The following RPL12 variants were observed in gnomAD, a reference collection of about 807,000 sequenced individuals.
RPL12 encodes the protein large ribosomal subunit protein uL11.
RPL12 carries 10 observed loss-of-function variants against 24.5 expected under a neutral mutation model. The observed-to-expected ratio is 0.41, with a 90% CI of 0.25 to 0.69. RPL12 has a LOEUF of 0.69. Ranked by LOEUF, RPL12 falls within the 30% of genes least tolerant of loss-of-function variation. RPL12 has a pLI of 0.33. For missense variants in RPL12, 137 were observed against 205.3 expected (o/e 0.67, Z 2.03); for synonymous variants, 74 against 76.1 (o/e 0.97, Z 0.14).
At chr9:127,448,696 A>G (rs1834216711) in intron 4 of RPL12, 1 of 658,564 alleles carries the variant, frequency 1.5e-6, no homozygotes, top group Non-Finnish European at 2.8e-6. Flanking sequence ...AGAAATGACA[A>G]GCTTAAATTG....
chr9:127,450,086 C>A (rs1012165904), intron 2 of RPL12: 1 of 223,910 alleles, frequency 4.5e-6, no homozygotes, highest in Non-Finnish European at 9.0e-6. Context: ...TTCTCCTCCT[C>A]TAGTAATCCT....
rs143779858 is a variant in RPL12, at chr9:127,451,182, G to A, written c.37+99C>T. 8.6e-4 allele frequency: 1,276 copies of A among 1,487,764 alleles called. 6 individuals carry two copies. In the East Asian group the frequency reaches 0.014, roughly 16 times the overall value. The allele number at this position is 1,487,764 out of a possible 1,614,324, so 92.2% of individuals were successfully genotyped here. On this transcript the variant is annotated intron_variant, in intron 1 of 6. Transcript: ENST00000361436. ...GCAACACCGGGAAGGTCTCTGGGAG[G>A]CAGCGGCTTTAAGAGCCCCATACGG...
At chr9:127,450,838 G>A (rs771498810) in intron 1 of RPL12, 34 bp from the exon 2 acceptor site, 2 of 1,468,472 alleles carry the variant, frequency 1.4e-6, no homozygotes, top group East Asian at 2.5e-5. Context: ...TCTGTGCAGA[G>A]GGAGCCCCGA....
At chr9:127,450,557 T>A in intron 2 of RPL12, 174 bp downstream of exon 2, 1 of 550,088 alleles carries the variant, frequency 1.8e-6, no homozygotes, top group African/African-American at 2.0e-5. Flanking sequence ...GGCACCAGGT[T>A]CGATTTTTCA....
Position 127,447,917 on chromosome 9 carries a change from A to G in RPL12, c.452T>C (p.Ile151Thr). 6.2e-7 allele frequency: 1 copy of G among 1,613,750 alleles called. No homozygotes were observed. Among genetic ancestry groups the G allele is most frequent in the South Asian group, 1.1e-5 (1 of 90,968 alleles). Residue 151 changes from isoleucine (I) to threonine (T), a missense_variant, in exon 6 of 7, where the codon ATC becomes ACC. Transcript: ENST00000361436. ...CNVDGRHPHD[I>T]IDDINSGAVE... ...AGCACCACTGTTGATGTCATCGATG[A>G]TGTCATGAGGATGGCGGCCATCAAC... is the stretch of plus-strand genomic sequence containing the variant.
intron 3 of RPL12, 101 bp from the exon 4 acceptor site, chr9:127,449,463 C>G: frequency 7.5e-7 from 1 of 1,338,764 alleles, no homozygotes; most frequent in Non-Finnish European, 1.1e-6. Context: ...AGTCTTTGCC[C>G]TAGGTCCGTA....
chr9:127,450,817 A>T lies in RPL12; in HGVS notation c.38-13T>A. The T allele has an allele frequency of 6.4e-7, 1 of 1,552,168 alleles. No homozygotes were observed. The highest frequency in any genetic ancestry group is 1.2e-5 in the South Asian group (1 of 84,316). On this transcript the variant is annotated splice_polypyrimidine_tract_variant and intron_variant, in intron 1 of 6. Transcript: ENST00000361436. ...CACCTCAGGTATACTGGGGGAAAAGAAGAGTTAGTGTCTGTGCAGAGGGAG... is the reference window on the plus strand; with the variant it reads ...CACCTCAGGTATACTGGGGGAAAAGTAGAGTTAGTGTCTGTGCAGAGGGAG...
In RPL12 at chr9:127,451,388, C is replaced by G. The variant is rs906910266; in HGVS notation, c.-71G>C. The G allele has an allele frequency of 2.0e-5, 32 of 1,590,332 alleles. 1 individual carries two copies. The highest frequency in any genetic ancestry group is 1.7e-5 in the Admixed American group (1 of 58,144). On this transcript the variant is annotated 5_prime_UTR_variant, in exon 1 of 7. Coordinates refer to ENST00000361436, the MANE Select transcript of RPL12 (RefSeq NM_000976.4). ...AAGGAAGTTGCACCTTGGCCTCCTCCGAGCCGAAAGCCGAGAGGCCGGAAA... is the reference window on the plus strand; with the variant it reads ...AAGGAAGTTGCACCTTGGCCTCCTCGGAGCCGAAAGCCGAGAGGCCGGAAA...
rs770913245 is a variant in RPL12 at position 127,450,721 on chromosome 9, G to C, written c.111+10C>G. The C allele has an allele frequency of 3.8e-6, 6 of 1,571,852 alleles. No individual in the cohort carries two copies. The South Asian group carries it at 5.8e-5, about 15-fold the overall frequency. On this transcript the variant is annotated intron_variant, in intron 2 of 6. Transcript: ENST00000361436. ...TGTGAAAAAAATGCCCCTTGGAGGG[G>C]ATAACGTACCAGACCCAGGGGGCCG...
rs1434865292 is a variant in RPL12, at chr9:127,450,660, C to G, written c.111+71G>C. On this transcript the variant is annotated intron_variant, in intron 2 of 6. Transcript: ENST00000361436. ...GCCACGAGGGCACCTCTGGCACAGG[C>G]GTGACTCCACGAGCCGGCGCTTAAA... 11 of 1,197,498 alleles carry G rather than the reference C, an allele frequency of 9.2e-6. No homozygotes were observed. The East Asian group carries it at 2.1e-4, about 23-fold the overall frequency. 74.2% of individuals were successfully genotyped at this position (1,197,498 alleles called of 1,614,324 possible). A position where few individuals can be genotyped will look rare whatever the true frequency, so the allele number is the denominator to read the frequency against.
rs779559857 is a variant in RPL12, at chr9:127,448,537, TGAA to T, written c.293-117_293-115del. 125 of 800,434 alleles carry T rather than the reference TGAA, an allele frequency of 1.6e-4. No homozygotes were observed. In the African/African-American group the frequency reaches 2.0e-3, roughly 13 times the overall value. The allele number at this position is 800,434 out of a possible 1,614,324, so 49.6% of individuals were successfully genotyped here. ...TGCTTTCGGCACAGAGTCATCCACA[TGAA>T]GAACAACCCTGTTTCCTAAGCTGGG... On this transcript the variant is annotated intron_variant, in intron 4 of 6. Transcript: ENST00000361436.
intron 5 of RPL12, among the ~76,000 whole-genome samples, 159 bp from the exon 6 acceptor site, chr9:127,448,148 G>A (rs189709345): frequency 2.6e-3 from 396 of 152,254 alleles, no homozygotes; most frequent in Admixed American, 4.5e-3. Context: ...TCCATAACCC[G>A]GAATGCAAAG....
In RPL12 at chr9:127,448,405, A is replaced by T; in HGVS notation, c.311T>A (p.Ile104Asn). The change falls in exon 5 of 7, where the codon ATC (isoleucine) becomes AAC (asparagine). Residue 104 changes from isoleucine (I) to asparagine (N), a missense_variant. Physicochemically the swap from Ile to Asn is moderately radical, Grantham distance 149 (BLOSUM62 -3). Around this residue, in one of 3 missense-constraint regions of RPL12, gnomAD observed 118 missense variants for 160.7 expected, o/e 0.73. Transcript: ENST00000361436. The part of the protein sequence containing the change: ...KQKNIKHSGN[I>N]TFDEIVNIAR... ...AATGTTGACAATCTCATCAAAAGTG[A>T]TATTCCCACTGTGTTTAACTGCAGA... 4 of 1,613,230 alleles carry T rather than the reference A, an allele frequency of 2.5e-6. No homozygotes were observed. Among genetic ancestry groups the T allele is most frequent in the Non-Finnish European group, 3.4e-6 (4 of 1,179,146 alleles).
chr9:127,448,704 T>C (rs1398815528), intron 4 of RPL12: 4 of 630,876 alleles, frequency 6.3e-6, no homozygotes, highest in South Asian at 1.4e-5. Flanking sequence ...CAAGCTTAAA[T>C]TGCCAGGGAG....
At position 127,451,361 on chromosome 9, in the gene RPL12, C is replaced by G. The variant is rs765780655; in HGVS notation, c.-44G>C. On this transcript the variant is annotated 5_prime_UTR_variant, in exon 1 of 7. Coordinates refer to ENST00000361436, the MANE Select transcript of RPL12 (RefSeq NM_000976.4). ...CGGATGAACCCGGATTCGGGACGAC[C>G]GAAGGAAGTTGCACCTTGGCCTCCT... is the stretch of plus-strand genomic sequence containing the variant. 3.7e-6 allele frequency: 6 copies of G among 1,610,174 alleles called. No homozygotes were observed. The highest frequency in any genetic ancestry group is 4.5e-5 in the East Asian group (2 of 44,870).
At chr9:127,449,936 G>A (rs1450688330) in intron 2 of RPL12, 2 of 522,122 alleles carry the variant, frequency 3.8e-6, no homozygotes, top group Non-Finnish European at 3.5e-6. Context: ...CCTCCTAAGT[G>A]CCCATGTGCT....
intron 3 of RPL12, 98 bp downstream of exon 3, chr9:127,449,512 C>CACCTT (rs1314225977): frequency 3.0e-6 from 4 of 1,321,190 alleles, no homozygotes; most frequent in African/African-American, 1.5e-5. Flanking sequence ...AAATCACTCT[C>CACCTT]GGCTCACCAC....
rs374063879 is a variant in RPL12, at chr9:127,451,262, C to T, written c.37+19G>A. 6.2e-7 allele frequency: 1 copy of T among 1,612,242 alleles called. No individual in the cohort carries two copies. Among genetic ancestry groups the T allele is most frequent in the East Asian group, 2.2e-5 (1 of 44,860 alleles). Reference sequence around the variant, plus strand: ...GGGATGCTCCATCCCGCAGCCCCGGCCACAACCAGAGCACGCACCGACTTT... The same window carrying T: ...GGGATGCTCCATCCCGCAGCCCCGGTCACAACCAGAGCACGCACCGACTTT... On this transcript the variant is annotated intron_variant, in intron 1 of 6. Coordinates refer to ENST00000361436, the MANE Select transcript of RPL12 (RefSeq NM_000976.4).
rs747348907 is a variant in RPL12, at chr9:127,449,728, A to G, written c.112-20T>C. ...TGGAGACTAGAAATAAAGGCATGTA[A>G]TCAACATGGTGTCCAGAGGTGAACC... On this transcript the variant is annotated intron_variant, in intron 2 of 6. Transcript: ENST00000361436. The G allele has an allele frequency of 6.3e-7, 1 of 1,587,342 alleles. No homozygotes were observed. The highest frequency in any genetic ancestry group is 1.1e-5 in the South Asian group (1 of 90,642).
Sources: allele counts gnomAD v4.1 joint callset (sites outside exome capture counted in the v4.1 genomes callset), GRCh38; gene constraint gnomAD v4.1.1; regional missense constraint gnomAD v4.1.1; transcripts MANE v1.5; gene names NCBI Gene and HGNC (gene_info 2026-07-23, HGNC 2026-07-21).